TCAIM: variants seen among roughly 807,000 people sequenced by gnomAD.
TCAIM encodes the protein T-cell activation inhibitor, mitochondrial.
Under a neutral mutation model 58.6 loss-of-function variants are expected in TCAIM, and 36 were observed. The ratio of observed to expected loss-of-function variants is 0.61; its 90% CI spans 0.47 to 0.81. The LOEUF (loss-of-function observed/expected upper bound fraction) is 0.81, where lower values mean the gene tolerates loss of function less well. Among genes scored for constraint, TCAIM ranks in the 30% least tolerant of loss-of-function variants. The probability of loss-of-function intolerance (pLI) is 0.00; values close to 1 mark genes in which losing one functional copy is unlikely to be tolerated. For missense variants in TCAIM, 466 were observed against 579.6 expected (o/e 0.80, Z 2.01); for synonymous variants, 172 against 193.6 (o/e 0.89, Z 0.93).
At chr3:44,361,657 A>G in intron 4 of TCAIM, 139 bp downstream of exon 4, 2 of 913,332 alleles carry the variant, frequency 2.2e-6, no homozygotes, top group Non-Finnish European at 3.1e-6. Flanking sequence ...TTTTCCTAGA[A>G]TTAGATTCTA....
At chr3:44,402,828 G>A (rs750022862) in intron 10 of TCAIM, among the ~76,000 whole-genome samples, 1 of 152,060 alleles carries the variant, frequency 6.6e-6, no homozygotes, top group Non-Finnish European at 1.5e-5. Flanking sequence ...ACATGTCCAT[G>A]GAGGGAAGTT....
At chr3:44,392,743 T>C (rs1392679226) in intron 5 of TCAIM, 112 bp from the exon 6 acceptor site, 1 of 1,012,532 alleles carries the variant, frequency 9.9e-7, no homozygotes, top group Middle Eastern at 3.3e-4. Context: ...GCATTTAGGT[T>C]GATTCCAAGT....
At chr3:44,382,855 T>G (rs1190674934) in intron 5 of TCAIM, among the ~76,000 whole-genome samples, 1 of 152,090 alleles carries the variant, frequency 6.6e-6, no homozygotes, top group Admixed American at 6.5e-5. Flanking sequence ...ATAAAGGAAT[T>G]GATATCCAGA....
At chr3:44,354,869 A>G (rs1043180783) in intron 2 of TCAIM, 58 bp downstream of exon 2, 2 of 1,551,720 alleles carry the variant, frequency 1.3e-6, no homozygotes, top group South Asian at 2.4e-5. Context: ...TCTGTTATGC[A>G]TTTGGTTTAT....
At chr3:44,401,929 A>C (rs1385544258) in intron 10 of TCAIM, among the ~76,000 whole-genome samples, 2 of 152,148 alleles carry the variant, frequency 1.3e-5, no homozygotes, top group Non-Finnish European at 2.9e-5. Flanking sequence ...GCTACTCAGG[A>C]GACTGAGGCA....
chr3:44,355,769 G>T (rs1701179090), intron 2 of TCAIM, among the ~76,000 whole-genome samples: 2 of 152,208 alleles, frequency 1.3e-5, no homozygotes, highest in East Asian at 3.8e-4. Flanking sequence ...GGATTGAGTT[G>T]CTAACTGCTC....
intron 5 of TCAIM, among the ~76,000 whole-genome samples, chr3:44,378,660 A>T (rs1202359231): frequency 6.6e-6 from 1 of 151,878 alleles, no homozygotes; most frequent in East Asian, 1.9e-4. Flanking sequence ...AAATACAAAA[A>T]ATTAGCCAGG....
intron 1 of TCAIM, among the ~76,000 whole-genome samples, chr3:44,346,981 T>C (rs1700983201): frequency 6.6e-6 from 1 of 152,192 alleles, no homozygotes; most frequent in Non-Finnish European, 1.5e-5. Context: ...TCAGCTAGGT[T>C]TCCTTTTGTG....
intron 10 of TCAIM, among the ~76,000 whole-genome samples, chr3:44,406,921 G>A (rs1702109783): frequency 6.6e-6 from 1 of 152,198 alleles, no homozygotes; most frequent in African/African-American, 2.4e-5. Flanking sequence ...GAATAAGAGA[G>A]TTGTAACCTC....
chr3:44,392,839 ATC>A lies in TCAIM; in HGVS notation c.573-8_573-7del, dbSNP rs746432992. ...TTATAGTTAGTATTGTAAAGTATGT[ATC>A]TCTCTCTTTCTAGATCCTGGTTAGA... On this transcript the variant is annotated splice_polypyrimidine_tract_variant and intron_variant, in intron 5 of 10. Transcript: ENST00000342649. 1 of 1,608,428 alleles carries A rather than the reference ATC, an allele frequency of 6.2e-7. No homozygotes were observed.
intron 9 of TCAIM, chr3:44,400,898 G>T: frequency 2.1e-6 from 1 of 481,962 alleles, no homozygotes; most frequent in East Asian, 3.9e-5. Flanking sequence ...TGTATACACT[G>T]TTTGCCGAGC....
chr3:44,409,256 G>T lies in TCAIM; in HGVS notation c.*1574G>T, dbSNP rs1702145816. 1 of 152,114 alleles carries T rather than the reference G, an allele frequency of 6.6e-6. No homozygotes were observed. Among genetic ancestry groups the T allele is most frequent in the Admixed American group, 6.6e-5 (1 of 15,264 alleles). The allele number at this position is 152,114 out of a possible 1,614,324, so 9.4% of individuals were successfully genotyped here. ...AATTTTGTTTTCTAGTGTAACAAAT[G>T]TTTCCCATAAGATTTTCTAGAGCCA... On this transcript the variant is annotated 3_prime_UTR_variant, in exon 11 of 11. Coordinates refer to ENST00000342649, the MANE Select transcript of TCAIM (RefSeq NM_173826.4).
chr3:44,350,459 G>T (rs1228416898), intron 1 of TCAIM, among the ~76,000 whole-genome samples: 1 of 151,514 alleles, frequency 6.6e-6, no homozygotes, highest in Non-Finnish European at 1.5e-5. Context: ...TGAGGCAGGG[G>T]TCTTGCTCTG....
chr3:44,341,282 G>C (rs957085135), intron 1 of TCAIM: 1 of 152,050 alleles, frequency 6.6e-6, no homozygotes, highest in Non-Finnish European at 1.5e-5. Flanking sequence ...TTCATAAAAA[G>C]ACAATTCCCA....
At chr3:44,389,005 A>T (rs1655669594) in intron 5 of TCAIM, among the ~76,000 whole-genome samples, 3 of 152,348 alleles carry the variant, frequency 2.0e-5, no homozygotes, top group South Asian at 4.1e-4. Flanking sequence ...ATCTGTATAT[A>T]TTAAAAGCCC....
intron 1 of TCAIM, among the ~76,000 whole-genome samples, chr3:44,350,886 G>A (rs1701073956): frequency 6.6e-6 from 1 of 152,120 alleles, no homozygotes; most frequent in African/African-American, 2.4e-5. Flanking sequence ...TCTGGTACTT[G>A]TGCTGTCTTA....
At position 44,408,600 on chromosome 3, in the gene TCAIM, G is replaced by A. The variant is rs187249916; in HGVS notation, c.*918G>A. The A allele has an allele frequency of 2.6e-5, 4 of 152,242 alleles. No homozygotes were observed. Among genetic ancestry groups the A allele is most frequent in the African/African-American group, 9.6e-5 (4 of 41,522 alleles). The allele number at this position is 152,242 out of a possible 1,614,324, so 9.4% of individuals were successfully genotyped here. On this transcript the variant is annotated 3_prime_UTR_variant, in exon 11 of 11. Transcript: ENST00000342649. ...AAATGTTTTTTAATCATTTAGTGAG[G>A]TGATTCATTTGTTTCATGGGCAAAC...
At chr3:44,399,932 T>C (rs1701996427) in intron 8 of TCAIM, among the ~76,000 whole-genome samples, 1 of 152,248 alleles carries the variant, frequency 6.6e-6, no homozygotes, top group Non-Finnish European at 1.5e-5. Flanking sequence ...ATCATATTTA[T>C]TGCACTTAAT....
intron 4 of TCAIM, among the ~76,000 whole-genome samples, chr3:44,366,596 G>A (rs1701380748): frequency 6.6e-6 from 1 of 151,118 alleles, no homozygotes; most frequent in African/African-American, 2.4e-5. Flanking sequence ...CTCCAGCTGG[G>A]ACTACAGGCG....
Sources: gnomAD v4.1 joint callset for allele counts (sites outside exome capture counted in the v4.1 genomes callset) on GRCh38, gnomAD v4.1.1 for gene constraint, MANE v1.5 for transcripts, NCBI Gene and HGNC (gene_info 2026-07-23, HGNC 2026-07-21) for gene names.